Variants in SF3B3 observed in about 807,000 individuals in gnomAD.
SF3B3 encodes the protein splicing factor 3b subunit 3.
In SF3B3, 33 loss-of-function variants were observed where a neutral mutation model predicts 139.2. The observed-to-expected ratio is 0.24, with a 90% CI of 0.18 to 0.32. The LOEUF (loss-of-function observed/expected upper bound fraction) is 0.32, where lower values mean the gene tolerates loss of function less well. Ranked by LOEUF, SF3B3 falls within the 10% of genes least tolerant of loss-of-function variation. The probability of loss-of-function intolerance (pLI) is 1.00; values close to 1 mark genes in which losing one functional copy is unlikely to be tolerated. For missense variants in SF3B3, 818 were observed against 1,509.4 expected (o/e 0.54, Z 7.59); for synonymous variants, 596 against 563.6 (o/e 1.06, Z -0.81).
intron 1 of SF3B3, among the ~76,000 whole-genome samples, chr16:70,524,293 A>G (rs2151770611): frequency 6.6e-6 from 1 of 152,258 alleles, no homozygotes; most frequent in Non-Finnish European, 1.5e-5. Context: ...AAAAGCGTAA[A>G]TAACGGAAAC....
chr16:70,569,862 A>G, intron 23 of SF3B3, 144 bp from the exon 24 acceptor site: 1 of 872,886 alleles, frequency 1.1e-6, no homozygotes, highest in South Asian at 1.7e-5. Context: ...CCTGGGCTCA[A>G]GCAATCCTCC....
rs33955800 is a variant in SF3B3, at chr16:70,555,477, C to CAAAAAAA, written c.1710+288_1710+294dup. On this transcript the variant is annotated intron_variant, in intron 13 of 25. Coordinates refer to ENST00000302516, the MANE Select transcript of SF3B3 (RefSeq NM_012426.5). ...CTGGCGACAGAGCAAGACTCCGTCT[C>CAAAAAAA]AAAAAAAAAAAAAAAAAAAAAAAGC... 4.1e-5 allele frequency among the ~76,000 whole-genome samples: 3 copies of CAAAAAAA among 73,114 alleles called. 1 individual carries two copies. Among genetic ancestry groups the CAAAAAAA allele is most frequent in the African/African-American group, 1.7e-4 (3 of 18,158 alleles). 48.0% of individuals were successfully genotyped at this position (73,114 alleles called of 152,430 possible). A position where few individuals can be genotyped will look rare whatever the true frequency, so the allele number is the denominator to read the frequency against.
intron 15 of SF3B3, among the ~76,000 whole-genome samples, chr16:70,559,124 C>G (rs566716506): frequency 6.6e-6 from 1 of 152,150 alleles, no homozygotes; most frequent in African/African-American, 2.4e-5. Context: ...TTAAAGTTCC[C>G]GTCAACCCTT....
rs576615580 is a variant in SF3B3, at chr16:70,539,670, C to A, written c.1067+463C>A. ...CCTTGTAGAGTCTTTCTTTTTCTTA[C>A]CTTCCTTTATTTTAGTGGCTTCGGG... On this transcript the variant is annotated intron_variant, in intron 8 of 25. Coordinates refer to ENST00000302516, the MANE Select transcript of SF3B3 (RefSeq NM_012426.5). 2.7e-3 allele frequency among the ~76,000 whole-genome samples: 410 copies of A among 152,214 alleles called. 1 individual carries two copies. Among genetic ancestry groups the A allele is most frequent in the Non-Finnish European group, 3.7e-3 (255 of 68,012 alleles).
chr16:70,530,706 A>C (rs982968418), intron 3 of SF3B3, 39 bp from the exon 4 acceptor site: 17 of 1,541,714 alleles, frequency 1.1e-5, no homozygotes, highest in Non-Finnish European at 1.5e-5. Context: ...TCTTCTCATT[A>C]TCTGGGAATC....
At chr16:70,539,364 A>C (rs749197496) in intron 8 of SF3B3, among the ~76,000 whole-genome samples, 157 bp downstream of exon 8, 1 of 151,930 alleles carries the variant, frequency 6.6e-6, no homozygotes, top group Non-Finnish European at 1.5e-5. Flanking sequence ...CCTGGCCAAC[A>C]TGGTGAAACC....
intron 9 of SF3B3, among the ~76,000 whole-genome samples, chr16:70,543,279 G>A (rs554717058): frequency 3.4e-4 from 51 of 151,954 alleles, no homozygotes; most frequent in African/African-American, 1.2e-3. Context: ...GCATGGTGGC[G>A]CATGCCTGTA....
chr16:70,535,745 A>G (rs1038733326), intron 6 of SF3B3, among the ~76,000 whole-genome samples: 7 of 150,458 alleles, frequency 4.7e-5, no homozygotes, highest in African/African-American at 1.2e-4. Flanking sequence ...CTTTTATTCT[A>G]TTTGGTTTTT....
intron 15 of SF3B3, among the ~76,000 whole-genome samples, chr16:70,557,610 T>A (rs1018466406): frequency 6.6e-6 from 1 of 152,244 alleles, no homozygotes; most frequent in African/African-American, 2.4e-5. Flanking sequence ...GAGAGACTAA[T>A]ACAGTGAACT....
intron 15 of SF3B3, among the ~76,000 whole-genome samples, chr16:70,560,191 G>A (rs74379437): frequency 0.032 from 4,815 of 152,210 alleles, 288 homozygotes; most frequent in African/African-American, 0.11. Flanking sequence ...CAGTAGTGAA[G>A]AAGGATTTAA....
In SF3B3 at chr16:70,563,888, A is replaced by G; in HGVS notation, c.2301A>G (p.Leu767=). The G allele has an allele frequency of 6.2e-7, 1 of 1,613,898 alleles. No homozygotes were observed. The highest frequency in any genetic ancestry group is 8.5e-7 in the Non-Finnish European group (1 of 1,179,948). ...ISTNTLRILA[L]EKLGAVFNQV... ...TTTTTTGTCATAGGATTTTGGCATT[A>G]GAGAAGCTCGGTGCTGTCTTCAATC... Residue 767 remains leucine, a synonymous_variant, in exon 18 of 26, where the codon TTA becomes TTG. Coordinates refer to ENST00000302516, the MANE Select transcript of SF3B3 (RefSeq NM_012426.5).
At chr16:70,533,352 G>A (rs2050138901) in intron 5 of SF3B3, among the ~76,000 whole-genome samples, 1 of 151,794 alleles carries the variant, frequency 6.6e-6, no homozygotes, top group African/African-American at 2.4e-5. Flanking sequence ...AAAAAAAAAA[G>A]TAAAACAGAT....
At chr16:70,556,391 C>G (rs1251520015) in intron 14 of SF3B3, 57 bp downstream of exon 14, 1 of 1,593,240 alleles carries the variant, frequency 6.3e-7, no homozygotes, top group East Asian at 2.2e-5. Flanking sequence ...CATCTGGCTC[C>G]TGATGTCTAT....
intron 12 of SF3B3, 92 bp from the exon 13 acceptor site, chr16:70,554,959 T>C: frequency 7.8e-7 from 1 of 1,278,638 alleles, no homozygotes; most frequent in Non-Finnish European, 1.1e-6. Flanking sequence ...GCCCCAGGTC[T>C]GATTTTAGTG....
At chr16:70,554,890 C>T (rs1313128965) in intron 12 of SF3B3, among the ~76,000 whole-genome samples, 161 bp from the exon 13 acceptor site, 1 of 152,140 alleles carries the variant, frequency 6.6e-6, no homozygotes, top group South Asian at 2.1e-4. Context: ...AAAAGTTGAC[C>T]TTGCCTGAGG....
intron 9 of SF3B3, among the ~76,000 whole-genome samples, chr16:70,543,296 G>C (rs991040168): frequency 6.6e-6 from 1 of 151,952 alleles, no homozygotes; most frequent in South Asian, 2.1e-4. Flanking sequence ...TGTAATCGCA[G>C]CTACTTAGGA....
intron 17 of SF3B3, among the ~76,000 whole-genome samples, chr16:70,563,075 C>G (rs187506702): frequency 1.3e-5 from 2 of 152,286 alleles, no homozygotes; most frequent in East Asian, 1.9e-4. Context: ...TCAAGAGATT[C>G]TCCCACCTCA....
chr16:70,530,094 C>T (rs1417538933), intron 3 of SF3B3, among the ~76,000 whole-genome samples: 1 of 150,830 alleles, frequency 6.6e-6, no homozygotes, highest in Non-Finnish European at 1.5e-5. Context: ...CTACTGCACT[C>T]CAGCCCGGAC....
intron 11 of SF3B3, among the ~76,000 whole-genome samples, chr16:70,553,747 T>G (rs927414091): frequency 6.6e-6 from 1 of 152,224 alleles, no homozygotes; most frequent in African/African-American, 2.4e-5. Flanking sequence ...GAGAAACTCA[T>G]TAGTGTTTAT....
Sources: allele counts gnomAD v4.1 joint callset (sites outside exome capture counted in the v4.1 genomes callset), GRCh38; gene constraint gnomAD v4.1.1; transcripts MANE v1.5; gene names NCBI Gene and HGNC (gene_info 2026-07-23, HGNC 2026-07-21).